Variants in RORA observed in about 807,000 individuals in gnomAD.
RORA encodes nuclear receptor ROR-alpha.
In RORA, 7 loss-of-function variants were observed where a neutral mutation model predicts 69.5. The observed-to-expected ratio is 0.10, with a 90% CI of 0.06 to 0.19. The LOEUF is 0.19. RORA is among the 10% of genes least tolerant of loss of function. The pLI, the probability that RORA is intolerant of heterozygous loss-of-function variation, is 1.00. For missense variants in RORA, 457 were observed against 663.0 expected (o/e 0.69, Z 3.41); for synonymous variants, 261 against 240.8 (o/e 1.08, Z -0.78).
chr15:60,777,262 C>T (rs1261505839), intron 1 of RORA, among the ~76,000 whole-genome samples: 1 of 152,130 alleles, frequency 6.6e-6, no homozygotes, highest in African/African-American at 2.4e-5. Flanking sequence ...CAAAATAAGA[C>T]CCGGAACATT....
intron 1 of RORA, among the ~76,000 whole-genome samples, chr15:60,935,665 G>A (rs1892499158): frequency 1.3e-5 from 2 of 152,086 alleles, no homozygotes; most frequent in African/African-American, 2.4e-5. Flanking sequence ...TTGCTTAACC[G>A]GCCTTGAGGC....
chr15:60,921,149 C>T (rs1892032503), intron 1 of RORA, among the ~76,000 whole-genome samples: 1 of 152,160 alleles, frequency 6.6e-6, no homozygotes, highest in Non-Finnish European at 1.5e-5. Context: ...TTCACATATG[C>T]CTACCCCATG....
chr15:61,060,134 T>G (rs2078162195), intron 1 of RORA, among the ~76,000 whole-genome samples: 1 of 152,166 alleles, frequency 6.6e-6, no homozygotes, highest in Non-Finnish European at 1.5e-5. Context: ...CTTCATTGCC[T>G]AGAGCACAAT....
chr15:60,887,917 A>G (rs878865964), intron 1 of RORA, among the ~76,000 whole-genome samples: 8 of 152,212 alleles, frequency 5.3e-5, no homozygotes, highest in African/African-American at 1.9e-4. Flanking sequence ...GTGTAGTCCA[A>G]TATGGGCATC....
chr15:60,759,151 T>G (rs2071845782), intron 1 of RORA, among the ~76,000 whole-genome samples: 1 of 152,218 alleles, frequency 6.6e-6, no homozygotes, highest in South Asian at 2.1e-4. Context: ...AATGGTTGAT[T>G]CAGTAGCCAC....
chr15:60,670,695 T>G (rs2070452048), intron 2 of RORA, among the ~76,000 whole-genome samples: 1 of 152,178 alleles, frequency 6.6e-6, no homozygotes, highest in South Asian at 2.1e-4. Context: ...GCAAGGGATT[T>G]TGGCAGTCAA....
At chr15:60,609,477 C>A (rs1255425305) in intron 2 of RORA, among the ~76,000 whole-genome samples, 1 of 152,082 alleles carries the variant, frequency 6.6e-6, no homozygotes, top group African/African-American at 2.4e-5. Context: ...ACATCTCATA[C>A]CTGCTCAATG....
At chr15:60,764,831 C>T (rs1304724956) in intron 1 of RORA, 3 of 152,172 alleles carry the variant, frequency 2.0e-5, no homozygotes, top group African/African-American at 7.2e-5. Flanking sequence ...TATGATCGTG[C>T]CCCTTTACCA....
At chr15:60,938,658 A>G (rs1892599773) in intron 1 of RORA, among the ~76,000 whole-genome samples, 1 of 152,236 alleles carries the variant, frequency 6.6e-6, no homozygotes, top group Non-Finnish European at 1.5e-5. Flanking sequence ...AACATTTTAA[A>G]TAAGAGGGAG....
At chr15:60,747,948 G>C (rs1338747274) in intron 1 of RORA, among the ~76,000 whole-genome samples, 2 of 152,150 alleles carry the variant, frequency 1.3e-5, no homozygotes, top group Non-Finnish European at 2.9e-5. Context: ...ATGCATAAAT[G>C]TTTAAAGCAT....
At chr15:60,757,697 A>G (rs1228253013) in intron 1 of RORA, among the ~76,000 whole-genome samples, 1 of 152,228 alleles carries the variant, frequency 6.6e-6, no homozygotes, top group East Asian at 1.9e-4. Flanking sequence ...TGCCTGGCAC[A>G]TAGAAAGTGC....
At chr15:60,615,985 A>T (rs1567125835) in intron 2 of RORA, among the ~76,000 whole-genome samples, 1 of 152,202 alleles carries the variant, frequency 6.6e-6, no homozygotes, top group Non-Finnish European at 1.5e-5. Context: ...TGCTGAATTT[A>T]GTTCCTCTAA....
At chr15:61,076,215 G>C (rs1029280317) in intron 1 of RORA, among the ~76,000 whole-genome samples, 6 of 152,218 alleles carry the variant, frequency 3.9e-5, no homozygotes, top group Admixed American at 3.9e-4. Context: ...CAGAGTTGCC[G>C]AGGGTAGGGC....
chr15:61,094,114 A>G (rs2078753707), intron 1 of RORA, among the ~76,000 whole-genome samples: 1 of 152,190 alleles, frequency 6.6e-6, no homozygotes, highest in Admixed American at 6.5e-5. Context: ...TATTCATTAG[A>G]AAGACTTAGC....
At chr15:60,925,052 C>G (rs948277567) in intron 1 of RORA, among the ~76,000 whole-genome samples, 1 of 151,274 alleles carries the variant, frequency 6.6e-6, no homozygotes, top group Non-Finnish European at 1.5e-5. Flanking sequence ...GCATTCCAGC[C>G]TGGGTGACAG....
At chr15:60,627,305 G>T in intron 2 of RORA, 1 of 1,614,168 alleles carries the variant, frequency 6.2e-7, no homozygotes, top group South Asian at 1.1e-5. Flanking sequence ...CGAAGACAAT[G>T]ACCCATGATT....
chr15:60,767,883 C>T (rs892246200), intron 1 of RORA, among the ~76,000 whole-genome samples: 12 of 152,278 alleles, frequency 7.9e-5, no homozygotes, highest in African/African-American at 2.4e-4. Context: ...GTAAAAGGTC[C>T]GTACACTGGT....
intron 1 of RORA, among the ~76,000 whole-genome samples, chr15:61,054,964 A>G (rs2078073535): frequency 6.6e-6 from 1 of 151,812 alleles, no homozygotes; most frequent in Non-Finnish European, 1.5e-5. Flanking sequence ...AGCTTCCTGA[A>G]TAGCTGGGAC....
At chr15:60,950,118 A>ATC (rs1242819122) in intron 1 of RORA, among the ~76,000 whole-genome samples, 22 of 151,614 alleles carry the variant, frequency 1.5e-4, no homozygotes, top group African/African-American at 5.1e-4. Flanking sequence ...GCCAGAAGAG[A>ATC]GTAGGGGCCA....
Sources: gnomAD v4.1 joint callset for allele counts (sites outside exome capture counted in the v4.1 genomes callset) on GRCh38, gnomAD v4.1.1 for gene constraint, MANE v1.5 for transcripts, NCBI Gene and HGNC (gene_info 2026-07-23, HGNC 2026-07-21) for gene names.